CPQ: variants seen among roughly 807,000 people sequenced by gnomAD.
The protein encoded by CPQ is carboxypeptidase Q.
A neutral mutation model predicts 45.7 loss-of-function variants in CPQ; 37 were observed. The observed-to-expected ratio is 0.81, with a 90% confidence interval of 0.62 to 1.07. The LOEUF (loss-of-function observed/expected upper bound fraction) is 1.07. CPQ is among the 50% of genes least tolerant of loss of function. The pLI is 0.00. For missense variants in CPQ, 537 were observed against 572.9 expected (o/e 0.94, Z 0.64); for synonymous variants, 186 against 205.8 (o/e 0.90, Z 0.82).
chr8:96,814,277 A>G (rs1000572267), intron 2 of CPQ, among the ~76,000 whole-genome samples: 22 of 152,242 alleles, frequency 1.4e-4, no homozygotes, highest in Middle Eastern at 3.4e-3. Context: ...ACTCTTTATC[A>G]CTTAGATTGG....
chr8:96,903,464 G>T (rs1247317523), intron 4 of CPQ, among the ~76,000 whole-genome samples: 1 of 152,114 alleles, frequency 6.6e-6, no homozygotes, highest in Non-Finnish European at 1.5e-5. Context: ...TATGAAGAAG[G>T]GGGAGAAGGG....
At chr8:96,908,590 G>T (rs1409971102) in intron 4 of CPQ, among the ~76,000 whole-genome samples, 1 of 152,152 alleles carries the variant, frequency 6.6e-6, no homozygotes, top group African/African-American at 2.4e-5. Context: ...TTGGGACATT[G>T]CTTAGGAAGC....
At chr8:96,733,039 A>T (rs961098049) in intron 1 of CPQ, among the ~76,000 whole-genome samples, 1 of 152,240 alleles carries the variant, frequency 6.6e-6, no homozygotes, top group African/African-American at 2.4e-5. Flanking sequence ...TACTCATTTC[A>T]AAAGGAGTCT....
At chr8:96,653,312 G>A (rs368780568) in intron 1 of CPQ, among the ~76,000 whole-genome samples, 1 of 151,982 alleles carries the variant, frequency 6.6e-6, no homozygotes, top group East Asian at 1.9e-4. Context: ...GCATTTCTTT[G>A]ATAATTAATG....
chr8:97,046,073 C>G (rs1810250635), intron 6 of CPQ, among the ~76,000 whole-genome samples: 1 of 152,168 alleles, frequency 6.6e-6, no homozygotes, highest in South Asian at 2.1e-4. Flanking sequence ...CTTACTTGAT[C>G]ATTCCTGAGT....
At chr8:96,856,253 G>A (rs1811849515) in intron 3 of CPQ, among the ~76,000 whole-genome samples, 1 of 152,198 alleles carries the variant, frequency 6.6e-6, no homozygotes, top group Admixed American at 6.5e-5. Flanking sequence ...AGACATGTAG[G>A]AGGCTATTCC....
chr8:96,693,297 C>A (rs1041946957), intron 1 of CPQ, among the ~76,000 whole-genome samples: 1 of 151,134 alleles, frequency 6.6e-6, no homozygotes, highest in Non-Finnish European at 1.5e-5. Flanking sequence ...GTAGAAAGTT[C>A]ATTGAAAGAG....
intron 7 of CPQ, among the ~76,000 whole-genome samples, chr8:97,119,902 T>C (rs1460609597): frequency 6.6e-6 from 1 of 152,160 alleles, no homozygotes; most frequent in Non-Finnish European, 1.5e-5. Context: ...TTTTAGTCCA[T>C]GATCAAGACA....
intron 1 of CPQ, 98 bp from the exon 2 acceptor site, chr8:96,784,766 A>C: frequency 2.5e-6 from 2 of 815,480 alleles, no homozygotes; most frequent in Non-Finnish European, 3.8e-6. Flanking sequence ...GTGGTTGGGA[A>C]GGGAAGGGGA....
intron 5 of CPQ, among the ~76,000 whole-genome samples, chr8:96,970,575 T>G (rs1010936538): frequency 1.3e-5 from 2 of 151,920 alleles, no homozygotes; most frequent in African/African-American, 4.8e-5. Flanking sequence ...CTTTTTTTTT[T>G]TTTTTTGAGA....
chr8:96,978,441 C>G (rs967130537), intron 5 of CPQ, among the ~76,000 whole-genome samples: 1 of 152,134 alleles, frequency 6.6e-6, no homozygotes, highest in Non-Finnish European at 1.5e-5. Flanking sequence ...CATTTTAGAG[C>G]CTTAGGCTAC....
At chr8:96,910,985 AG>A (rs1180506156) in intron 4 of CPQ, among the ~76,000 whole-genome samples, 1 of 151,922 alleles carries the variant, frequency 6.6e-6, no homozygotes, top group African/African-American at 2.4e-5. Context: ...TACATGTAGG[AG>A]AGGACTGAAA....
intron 1 of CPQ, among the ~76,000 whole-genome samples, chr8:96,675,970 C>CA (rs1809072151): frequency 6.6e-6 from 1 of 151,614 alleles, no homozygotes; most frequent in Non-Finnish European, 1.5e-5. Context: ...TTTATCATAC[C>CA]AAAAATGTTT....
chr8:96,853,927 G>C (rs528800496), intron 3 of CPQ, among the ~76,000 whole-genome samples: 75 of 152,288 alleles, frequency 4.9e-4, no homozygotes, highest in Middle Eastern at 3.4e-3. Context: ...GGAAATCAGA[G>C]AAGAAGGCCT....
At chr8:96,886,174 GT>G (rs1812304743) in intron 4 of CPQ, among the ~76,000 whole-genome samples, 1 of 152,214 alleles carries the variant, frequency 6.6e-6, no homozygotes, top group East Asian at 1.9e-4. Context: ...ATTTGGGCAT[GT>G]TTTGCAGGAC....
At chr8:97,084,997 CT>C (rs947855901) in intron 7 of CPQ, among the ~76,000 whole-genome samples, 5 of 151,648 alleles carry the variant, frequency 3.3e-5, no homozygotes, top group African/African-American at 1.2e-4. Flanking sequence ...GATTTTTTTT[CT>C]GTTTCTAAAC....
chr8:96,658,932 G>A (rs2130710298), intron 1 of CPQ, among the ~76,000 whole-genome samples: 1 of 152,316 alleles, frequency 6.6e-6, no homozygotes, highest in African/African-American at 2.4e-5. Context: ...TCAGACTTCT[G>A]ACCTAAAGAA....
chr8:97,078,068 T>C (rs924869736), intron 7 of CPQ, among the ~76,000 whole-genome samples: 34 of 152,236 alleles, frequency 2.2e-4, no homozygotes, highest in African/African-American at 8.0e-4. Context: ...TATTAACTGA[T>C]GGATTTAAAA....
intron 1 of CPQ, among the ~76,000 whole-genome samples, chr8:96,716,922 C>T (rs1319794186): frequency 6.7e-6 from 1 of 148,252 alleles, no homozygotes; most frequent in Non-Finnish European, 1.5e-5. Context: ...CACACACATA[C>T]ACACACACAC....
Sources: allele counts gnomAD v4.1 joint callset (sites outside exome capture counted in the v4.1 genomes callset), GRCh38; gene constraint gnomAD v4.1.1; transcripts MANE v1.5; gene names NCBI Gene and HGNC (gene_info 2026-07-23, HGNC 2026-07-21).